The following MYH16 variants were observed in gnomAD, a reference collection of about 807,000 sequenced individuals.
The protein encoded by MYH16 is putative uncharacterized protein MYH16.
chr7:99,290,444 G>C (rs373809932), intron 30 of MYH16, among the ~76,000 whole-genome samples: 2 of 144,778 alleles, frequency 1.4e-5, no homozygotes, highest in African/African-American at 5.3e-5. Flanking sequence ...TTATGATTGT[G>C]CCACTGCACT....
chr7:99,253,071 G>C (rs1199466103), intron 7 of MYH16: 2 of 152,248 alleles, frequency 1.3e-5, no homozygotes, highest in African/African-American at 4.8e-5. Flanking sequence ...TTCAAGACCA[G>C]CCTGGGCAAC....
chr7:99,248,379 G>A (rs1242490797), intron 3 of MYH16, among the ~76,000 whole-genome samples: 1 of 152,132 alleles, frequency 6.6e-6, no homozygotes, highest in Non-Finnish European at 1.5e-5. Flanking sequence ...TGGCTTTACA[G>A]GCGTGAGCCA....
chr7:99,291,617 A>ACCCCCCCCCCCCCCCCCCCCCCCC (rs34446113), intron 31 of MYH16, among the ~76,000 whole-genome samples, 167 bp downstream of exon 12: 10 of 105,984 alleles, frequency 9.4e-5, no homozygotes, highest in Admixed American at 3.2e-4. Flanking sequence ...ACACAGCAAG[A>ACCCCCCCCCCCCCCCCCCCCCCCC]CCCCCCCCCA....
chr7:99,274,126 C>T (rs868105698), intron 20 of MYH16, among the ~76,000 whole-genome samples: 8 of 152,242 alleles, frequency 5.3e-5, no homozygotes, highest in Non-Finnish European at 1.2e-4. Context: ...TAAGGTCCGA[C>T]CTCTCATTTC....
chr7:99,277,621 C>T (rs1373006081), exon 21 of MYH16: 1 of 457,052 alleles, frequency 2.2e-6, no homozygotes, highest in Admixed American at 2.3e-5. Context: ...ATGGCCCAAA[C>T]CCAGGAGTTG....
rs116496676 is a variant in MYH16, at chr7:99,276,161, G to A, written n.2486-1378G>A. 9.2e-3 allele frequency among the ~76,000 whole-genome samples: 1,402 copies of A among 152,344 alleles called. 20 individuals carry two copies. The highest frequency in any genetic ancestry group is 0.031 in the African/African-American group (1,292 of 41,572). On this transcript the variant is annotated intron_variant and non_coding_transcript_variant, in intron 20 of 41. Transcript: ENST00000439784. ...GTAGTAGGTTTCCATTGAATAAAAA[G>A]TGCTACACAGCGGCAAAGTATGGTG...
At chr7:99,248,744 C>T (rs996876219) in intron 3 of MYH16, among the ~76,000 whole-genome samples, 19 of 152,122 alleles carry the variant, frequency 1.2e-4, no homozygotes, top group Non-Finnish European at 1.5e-5. Context: ...GCTTTATGGC[C>T]ACTCTGGGCT....
intron 18 of MYH16, among the ~76,000 whole-genome samples, chr7:99,268,532 T>C (rs1408599415): frequency 6.6e-6 from 1 of 152,208 alleles, no homozygotes; most frequent in Non-Finnish European, 1.5e-5. Flanking sequence ...CATCTTGCTG[T>C]TGTACAAGGG....
At chr7:99,289,766 G>A (rs1792342031) in intron 30 of MYH16, among the ~76,000 whole-genome samples, 1 of 152,184 alleles carries the variant, frequency 6.6e-6, no homozygotes, top group Non-Finnish European at 1.5e-5. Flanking sequence ...CAGAAAAATG[G>A]TAAAGCTGCC....
At chr7:99,277,941 GACAGACAGACAGAC>G (rs1562780499) in intron 21 of MYH16, among the ~76,000 whole-genome samples, 19 of 129,882 alleles carry the variant, frequency 1.5e-4, no homozygotes, top group Non-Finnish European at 2.5e-4. Context: ...GAGAGAGACA[GACAGACAGACAGAC>G]AGACAGACAG....
chr7:99,275,865 G>A (rs567753946), intron 20 of MYH16, among the ~76,000 whole-genome samples: 1 of 152,314 alleles, frequency 6.6e-6, no homozygotes, highest in East Asian at 1.9e-4. Context: ...CCGAGTAGCT[G>A]GGATTAAGGC....
At chr7:99,258,369 C>G (rs758477734) in exon 11 of MYH16, 3 of 156,776 alleles carry the variant, frequency 1.9e-5, no homozygotes, top group Admixed American at 6.5e-5. Flanking sequence ...TGCTGGACAT[C>G]GCTGGCTTTG....
chr7:99,293,066 C>T (rs996838302), intron 32 of MYH16, among the ~76,000 whole-genome samples: 2 of 152,104 alleles, frequency 1.3e-5, no homozygotes, highest in Non-Finnish European at 2.9e-5. Context: ...GCCTGGGTGT[C>T]CCTGGGCCCA....
intron 21 of MYH16, among the ~76,000 whole-genome samples, chr7:99,277,935 GAGAC>G (rs776604184): frequency 0.02 from 2,804 of 143,522 alleles, 32 homozygotes; most frequent in Non-Finnish European, 0.025. Context: ...GAGAGAGAGA[GAGAC>G]AGACAGACAG....
chr7:99,301,539 C>G (rs1792594649), intron 37 of MYH16, 62 bp from the exon 19 acceptor site: 1 of 152,810 alleles, frequency 6.5e-6, no homozygotes, highest in Non-Finnish European at 1.5e-5. Context: ...CACGCCTGGC[C>G]ACCCCCAAGG....
chr7:99,241,168 C>A (rs140786516), intron 1 of MYH16, among the ~76,000 whole-genome samples: 37 of 152,198 alleles, frequency 2.4e-4, no homozygotes, highest in Admixed American at 3.9e-4. Context: ...GAGCCTGTGG[C>A]GCTGGCTTCC....
chr7:99,300,520 T>C (rs974539488), intron 37 of MYH16, among the ~76,000 whole-genome samples: 4 of 152,126 alleles, frequency 2.6e-5, no homozygotes, highest in African/African-American at 9.7e-5. Flanking sequence ...GACAAGACAA[T>C]GCTGGACACA....
intron 27 of MYH16, among the ~76,000 whole-genome samples, 181 bp downstream of exon 9, chr7:99,285,619 C>A (rs1323110405): frequency 6.6e-6 from 1 of 152,190 alleles, no homozygotes; most frequent in Admixed American, 6.5e-5. Context: ...CCACATTAAT[C>A]ATGACGTGAA....
intron 23 of MYH16, 92 bp from the exon 6 acceptor site, chr7:99,283,473 C>T: frequency 2.3e-6 from 1 of 432,662 alleles, no homozygotes. Flanking sequence ...AGCCTGGGAG[C>T]TGCATAGCTC....
Sources: allele counts gnomAD v4.1 joint callset (sites outside exome capture counted in the v4.1 genomes callset), GRCh38; gene constraint gnomAD v4.1.1; transcripts MANE v1.5; gene names NCBI Gene and HGNC (gene_info 2026-07-23, HGNC 2026-07-21).